The following TIMM23 variants were observed in gnomAD, a reference collection of about 807,000 sequenced individuals.
The protein encoded by TIMM23 is mitochondrial import inner membrane translocase subunit Tim23.
Under a neutral mutation model 30.7 loss-of-function variants are expected in TIMM23, and 19 were observed. The observed-to-expected ratio is 0.62, with a 90% CI of 0.43 to 0.91. TIMM23 has a LOEUF of 0.91. Among genes scored for constraint, TIMM23 ranks in the 40% least tolerant of loss-of-function variants. The probability of loss-of-function intolerance (pLI) is 0.00; values close to 1 mark genes in which losing one functional copy is unlikely to be tolerated. For synonymous variants in TIMM23, 78 were observed against 98.5 expected, an observed-to-expected ratio of 0.79 and a Z score of 1.23; for missense variants, 202 against 269.2, an observed-to-expected ratio of 0.75 and a Z score of 1.75.
intron 6 of TIMM23, among the ~76,000 whole-genome samples, chr10:46,002,964 A>G (rs1838596320): frequency 1.3e-5 from 2 of 151,944 alleles, no homozygotes; most frequent in Admixed American, 1.3e-4. Flanking sequence ...CTGGGACTAT[A>G]AGCACACATC....
chr10:45,988,653 C>G, intron 5 of TIMM23, 84 bp from the exon 6 acceptor site: 1 of 901,644 alleles, frequency 1.1e-6, no homozygotes, highest in Non-Finnish European at 1.9e-6. Flanking sequence ...GAGCTAGGAA[C>G]CATGGATGAA....
chr10:45,989,154 A>AAGG (rs1838083587), intron 6 of TIMM23, among the ~76,000 whole-genome samples: 3 of 152,200 alleles, frequency 2.0e-5, no homozygotes, highest in Non-Finnish European at 4.4e-5. Context: ...CCACTTCCTT[A>AAGG]GCTCTTGATA....
chr10:45,977,504 T>C (rs1426677619), intron 2 of TIMM23, among the ~76,000 whole-genome samples: 2 of 152,130 alleles, frequency 1.3e-5, no homozygotes, highest in Non-Finnish European at 2.9e-5. Flanking sequence ...TGCATAAGAA[T>C]GAAGTTGAAC....
chr10:45,991,826 C>T (rs1838172219), intron 6 of TIMM23, among the ~76,000 whole-genome samples: 1 of 151,974 alleles, frequency 6.6e-6, no homozygotes, highest in Non-Finnish European at 1.5e-5. Flanking sequence ...TTGGTGGTTT[C>T]TTTCTGTTTT....
Position 46,003,213 on chromosome 10 carries a change from A to AG in TIMM23, c.528dup (p.Ile177AspfsTer19). On this transcript the variant is annotated frameshift_variant, in exon 7 of 7. Coordinates refer to ENST00000580018, the MANE Select transcript of TIMM23 (RefSeq NM_006327.4). LOFTEE classifies it high-confidence loss of function. ...GTCTCTGTTTCCCAGGTGGTCTTCG[A>AG]GGGATAGCACGAGGTGGTCTGACAG... is the stretch of plus-strand genomic sequence containing the variant. 1 of 1,613,868 alleles carries AG rather than the reference A, an allele frequency of 6.2e-7. No individual in the cohort carries two copies. The highest frequency in any genetic ancestry group is 8.5e-7 in the Non-Finnish European group (1 of 1,179,846).
intron 2 of TIMM23, among the ~76,000 whole-genome samples, chr10:45,979,511 G>T (rs1590113092): frequency 1.4e-5 from 2 of 147,166 alleles, no homozygotes; most frequent in Admixed American, 1.4e-4. Flanking sequence ...TGACTTGGTT[G>T]CCCAGGCTGG....
intron 5 of TIMM23, among the ~76,000 whole-genome samples, chr10:45,986,725 T>G (rs1202304658): frequency 1.3e-5 from 2 of 152,122 alleles, no homozygotes; most frequent in Non-Finnish European, 2.9e-5. Flanking sequence ...TACTTTAAAA[T>G]GAAATGGTGC....
At chr10:45,997,913 G>C (rs1838395992) in intron 6 of TIMM23, among the ~76,000 whole-genome samples, 1 of 152,128 alleles carries the variant, frequency 6.6e-6, no homozygotes, top group African/African-American at 2.4e-5. Context: ...TAAAATTTAT[G>C]TTACATGTAT....
intron 2 of TIMM23, among the ~76,000 whole-genome samples, chr10:45,978,559 A>G (rs1301871011): frequency 4.6e-5 from 7 of 152,230 alleles, no homozygotes; most frequent in Non-Finnish European, 1.0e-4. Context: ...GCTGGTCAGT[A>G]ACATTAATTA....
intron 6 of TIMM23, among the ~76,000 whole-genome samples, chr10:45,998,094 G>A (rs1279984146): frequency 6.6e-6 from 1 of 152,152 alleles, no homozygotes; most frequent in Non-Finnish European, 1.5e-5. Context: ...CTGTGAGAAG[G>A]CTAAGAATGT....
intron 5 of TIMM23, 116 bp downstream of exon 5, chr10:45,985,557 C>G: frequency 8.1e-7 from 1 of 1,235,126 alleles, no homozygotes; most frequent in Non-Finnish European, 1.2e-6. Context: ...TGTTTAAACC[C>G]ATTCCAATGC....
chr10:45,983,427 C>T (rs1276853896), intron 4 of TIMM23, among the ~76,000 whole-genome samples: 2 of 152,088 alleles, frequency 1.3e-5, no homozygotes, highest in Non-Finnish European at 2.9e-5. Context: ...AGAGTTAATT[C>T]CAAAAGGATA....
In TIMM23 at chr10:45,973,853, G is replaced by T. The variant is rs1159994850; in HGVS notation, c.106+1123G>T. On this transcript the variant is annotated intron_variant, in intron 1 of 6. Coordinates refer to ENST00000580018, the MANE Select transcript of TIMM23 (RefSeq NM_006327.4). The stretch of plus-strand genomic sequence containing the variant: ...CTTATTGTGGAGATGGGGTCTCCCT[G>T]TGTTGTCCAAGCTGGTCTCAAACTC... Among the ~76,000 whole-genome samples, 8 of 150,368 alleles carry T rather than the reference G, an allele frequency of 5.3e-5. No homozygotes were observed. The South Asian group carries it at 1.7e-3, about 32-fold the overall frequency.
intron 6 of TIMM23, among the ~76,000 whole-genome samples, chr10:45,993,692 AAATGAAATGAAAT>A (rs1838240717): frequency 6.6e-6 from 1 of 151,690 alleles, no homozygotes; most frequent in Non-Finnish European, 1.5e-5. Flanking sequence ...TAAATGAAAT[AAATGAAATGAAAT>A]AATAAAATGA....
At chr10:45,975,024 A>G (rs1364028546) in intron 1 of TIMM23, among the ~76,000 whole-genome samples, 2 of 152,052 alleles carry the variant, frequency 1.3e-5, no homozygotes, top group African/African-American at 4.8e-5. Context: ...ATAGTTAGAT[A>G]CAACATGTAC....
chr10:45,979,584 G>A (rs1837782190), intron 2 of TIMM23, among the ~76,000 whole-genome samples: 1 of 143,768 alleles, frequency 7.0e-6, no homozygotes, highest in South Asian at 2.3e-4. Context: ...TGGAATTACA[G>A]GCATGAGCCA....
At chr10:45,992,269 A>G (rs1554915934) in intron 6 of TIMM23, 5 of 424,400 alleles carry the variant, frequency 1.2e-5, no homozygotes, top group African/African-American at 2.1e-5. Flanking sequence ...AGCTGCCTGA[A>G]TTGTTTTTGA....
Position 45,972,593 on chromosome 10 carries a change from G to C in TIMM23, c.-32G>C, listed in dbSNP as rs1837522613. On this transcript the variant is annotated 5_prime_UTR_variant, in exon 1 of 7. Transcript: ENST00000580018. ...CAGCGGACCACCCAGGCTTGAGGCA[G>C]CGGCGGGAACCACTCGGTTTGCTGC... The C allele has an allele frequency of 1.6e-5, 26 of 1,588,864 alleles. No individual in the cohort carries two copies. The highest frequency in any genetic ancestry group is 2.2e-5 in the Non-Finnish European group (26 of 1,163,210).
intron 3 of TIMM23, 66 bp from the exon 4 acceptor site, chr10:45,982,780 C>G: frequency 6.2e-7 from 1 of 1,608,324 alleles, no homozygotes; most frequent in Non-Finnish European, 8.5e-7. Context: ...TGTAGTTATG[C>G]AGATTTGAGT....
Sources: gnomAD v4.1 joint callset for allele counts (sites outside exome capture counted in the v4.1 genomes callset) on GRCh38, gnomAD v4.1.1 for gene constraint, MANE v1.5 for transcripts, NCBI Gene and HGNC (gene_info 2026-07-23, HGNC 2026-07-21) for gene names.